NRK: variants seen among roughly 807,000 people sequenced by gnomAD.
NRK encodes Nik related kinase, also known as nik-related protein kinase.
In NRK, 67 loss-of-function variants were observed where a neutral mutation model predicts 125.2. The ratio of observed to expected loss-of-function variants is 0.54; its 90% CI spans 0.44 to 0.66. NRK has a LOEUF of 0.66. NRK is among the 30% of genes least tolerant of loss of function. The pLI is 0.00. For synonymous variants in NRK, 458 were observed against 429.0 expected (o/e 1.07, Z -0.84); for missense variants, 1,224 against 1,192.9 (o/e 1.03, Z -0.38).
intron 26 of NRK, chrX:105,948,726 G>A: frequency 2.0e-6 from 1 of 504,707 alleles, no homozygotes; most frequent in South Asian, 2.6e-5. Flanking sequence ...CTGGGACATG[G>A]CCTCAAGCAC....
intron 16 of NRK, among the ~76,000 whole-genome samples, chrX:105,920,519 G>C (rs867236516): frequency 4.1e-4 from 44 of 107,826 alleles, no homozygotes; most frequent in East Asian, 1.8e-3. Flanking sequence ...ATTCTTCCTA[G>C]CCATGAGCAT....
intron 24 of NRK, among the ~76,000 whole-genome samples, 188 bp downstream of exon 24, chrX:105,944,229 T>C (rs1484459743): frequency 9.0e-6 from 1 of 111,082 alleles, no homozygotes; most frequent in Admixed American, 9.6e-5. Flanking sequence ...ACTCTCTCAC[T>C]CTGGCCCAGG....
intron 2 of NRK, among the ~76,000 whole-genome samples, chrX:105,840,052 C>T (rs2039311208): frequency 1.8e-5 from 2 of 111,763 alleles, no homozygotes; most frequent in Admixed American, 1.9e-4. Flanking sequence ...ATTGCTGAGG[C>T]TTACAGGCCT....
intron 18 of NRK, among the ~76,000 whole-genome samples, chrX:105,923,701 A>G (rs191587574): frequency 9.2e-6 from 1 of 108,197 alleles, no homozygotes; most frequent in African/African-American, 3.3e-5. Context: ...TCAAGTATTT[A>G]TTAGTTTCTT....
chrX:105,883,912 G>A (rs1035484687), intron 4 of NRK, among the ~76,000 whole-genome samples: 1 of 112,768 alleles, frequency 8.9e-6, no homozygotes, highest in Non-Finnish European at 1.9e-5. Context: ...GCGGTGCCAG[G>A]TATTGTTACT....
chrX:105,900,151 T>TACACACACACAC (rs202022404), intron 8 of NRK, among the ~76,000 whole-genome samples: 6 of 89,410 alleles, frequency 6.7e-5, no homozygotes, highest in African/African-American at 1.6e-4. Flanking sequence ...ACTGCTGAAG[T>TACACACACACAC]ACACACACAC....
At chrX:105,930,447 G>T (rs1604659) in intron 19 of NRK, among the ~76,000 whole-genome samples, 1,706 of 109,661 alleles carry the variant, frequency 0.016, 35 homozygotes, top group African/African-American at 0.053. Flanking sequence ...CTATTCCTTT[G>T]TTGAATTTCT....
chrX:105,873,586 A>G (rs1449100839), intron 2 of NRK, among the ~76,000 whole-genome samples: 2 of 112,005 alleles, frequency 1.8e-5, no homozygotes, highest in African/African-American at 3.2e-5. Flanking sequence ...AATTTCTGGC[A>G]TGACAAAAAC....
chrX:105,832,751 C>T (rs2039210901), intron 2 of NRK, among the ~76,000 whole-genome samples: 1 of 111,181 alleles, frequency 9.0e-6, no homozygotes, highest in Non-Finnish European at 1.9e-5. Context: ...GGGCCTGGTG[C>T]TGTGGCTCAC....
chrX:105,824,319 A>G (rs1450870580), intron 1 of NRK, among the ~76,000 whole-genome samples: 1 of 111,228 alleles, frequency 9.0e-6, no homozygotes, highest in Non-Finnish European at 1.9e-5. Context: ...GGAGGCCTCA[A>G]TTGGTGGTTT....
At chrX:105,914,718 T>A (rs181544634) in intron 14 of NRK, among the ~76,000 whole-genome samples, 16 of 108,398 alleles carry the variant, frequency 1.5e-4, no homozygotes, top group African/African-American at 5.4e-4. Flanking sequence ...TCTCTCGGAG[T>A]GTAGAGAGAG....
intron 1 of NRK, among the ~76,000 whole-genome samples, chrX:105,826,898 G>A (rs2039121283): frequency 9.0e-6 from 1 of 111,151 alleles, no homozygotes; most frequent in South Asian, 3.8e-4. Flanking sequence ...TATTTTCTCA[G>A]TCTTTTTTCC....
chrX:105,947,883 T>C (rs2040837842), intron 26 of NRK, among the ~76,000 whole-genome samples: 1 of 110,805 alleles, frequency 9.0e-6, no homozygotes, highest in Non-Finnish European at 1.9e-5. Flanking sequence ...TAAAACTCTT[T>C]TGGTCATATT....
At chrX:105,878,147 T>A (rs1488254482) in intron 2 of NRK, among the ~76,000 whole-genome samples, 1 of 110,506 alleles carries the variant, frequency 9.0e-6, no homozygotes, top group Non-Finnish European at 1.9e-5. Context: ...GTGGAAAAAA[T>A]TTTACTAGCA....
At chrX:105,880,809 T>C (rs1188727979) in intron 3 of NRK, among the ~76,000 whole-genome samples, 1 of 111,870 alleles carries the variant, frequency 8.9e-6, no homozygotes, top group East Asian at 2.8e-4. Flanking sequence ...TCATAACATA[T>C]TGGCATAGAA....
At chrX:105,948,765 T>C (rs2147798053) in intron 26 of NRK, 1 of 459,038 alleles carries the variant, frequency 2.2e-6, no homozygotes, top group South Asian at 3.3e-5. Context: ...GTTTGGCAAG[T>C]ATAGTTTCTG....
chrX:105,945,811 C>G (rs1602702009), intron 24 of NRK, 61 bp from the exon 25 acceptor site: 2 of 1,046,395 alleles, frequency 1.9e-6, no homozygotes, highest in East Asian at 3.0e-5. Context: ...CCATAGGAGC[C>G]TAGAGTACAT....
At chrX:105,914,098 A>G (rs1036140998) in intron 14 of NRK, among the ~76,000 whole-genome samples, 8 of 110,349 alleles carry the variant, frequency 7.2e-5, no homozygotes, top group African/African-American at 2.6e-4. Context: ...GAAGAACTCA[A>G]ACTCTTGCCT....
intron 16 of NRK, among the ~76,000 whole-genome samples, chrX:105,921,689 A>G (rs2040450313): frequency 9.2e-6 from 1 of 108,689 alleles, no homozygotes; most frequent in Admixed American, 9.9e-5. Context: ...ACATAGATAG[A>G]GATATTTGGT....
Sources: allele counts gnomAD v4.1 joint callset (sites outside exome capture counted in the v4.1 genomes callset), GRCh38; gene constraint gnomAD v4.1.1; transcripts MANE v1.5; gene names NCBI Gene and HGNC (gene_info 2026-07-23, HGNC 2026-07-21).